The following SEMA5A variants were observed in gnomAD, a reference collection of about 807,000 sequenced individuals.
SEMA5A encodes the protein semaphorin 5A, also known as semaphorin-5A.
Under a neutral mutation model 135.5 loss-of-function variants are expected in SEMA5A, and 55 were observed. The ratio of observed to expected loss-of-function variants is 0.41; its 90% confidence interval spans 0.33 to 0.51. The LOEUF (loss-of-function observed/expected upper bound fraction) is 0.51. Among genes scored for constraint, SEMA5A ranks in the 20% least tolerant of loss-of-function variants. The pLI, the probability that SEMA5A is intolerant of heterozygous loss-of-function variation, is 0.37. For missense variants in SEMA5A, 1,290 were observed against 1,419.9 expected (o/e 0.91, Z 1.47); for synonymous variants, 580 against 546.5 (o/e 1.06, Z -0.85).
At chr5:9,130,012 T>C (rs956875945) in intron 13 of SEMA5A, among the ~76,000 whole-genome samples, 6 of 152,182 alleles carry the variant, frequency 3.9e-5, no homozygotes, top group African/African-American at 1.4e-4. Context: ...GAAATTAGCT[T>C]CAAGTAATTT....
chr5:9,465,463 T>C (rs1759222763), intron 1 of SEMA5A, among the ~76,000 whole-genome samples: 1 of 152,202 alleles, frequency 6.6e-6, no homozygotes, highest in Non-Finnish European at 1.5e-5. Context: ...TGGTTCCATA[T>C]CTGTGGATTC....
intron 16 of SEMA5A, among the ~76,000 whole-genome samples, chr5:9,067,619 C>G (rs1737548375): frequency 6.6e-6 from 1 of 152,082 alleles, no homozygotes. Context: ...CTCTATCATT[C>G]CTCCACCTCT....
In SEMA5A at chr5:9,372,350, G is replaced by A. The variant is rs111304503; in HGVS notation, c.124+7473C>T. Among the ~76,000 whole-genome samples the A allele has an allele frequency of 3.0e-3, 451 of 151,240 alleles. 2 individuals are homozygous for A. The highest frequency in any genetic ancestry group is 0.01 in the African/African-American group (424 of 41,164). On this transcript the variant is annotated intron_variant, in intron 3 of 22. Coordinates refer to ENST00000382496, the MANE Select transcript of SEMA5A (RefSeq NM_003966.3). ...AGACACGCATGGAGCCATGGGACAC[G>A]CATGGAACTGTGGGACACGCGTGGA...
intron 16 of SEMA5A, among the ~76,000 whole-genome samples, chr5:9,076,669 T>C (rs1456070420): frequency 3.9e-5 from 6 of 152,222 alleles, no homozygotes; most frequent in Non-Finnish European, 1.5e-5. Context: ...TACATTCCTG[T>C]ATATAGTAAA....
At chr5:9,059,373 T>C (rs186209074) in intron 18 of SEMA5A, among the ~76,000 whole-genome samples, 25 of 152,314 alleles carry the variant, frequency 1.6e-4, no homozygotes, top group African/African-American at 5.1e-4. Context: ...TTCTCAATGC[T>C]GGCGTAAATT....
intron 5 of SEMA5A, among the ~76,000 whole-genome samples, chr5:9,287,347 A>G (rs1366585367): frequency 6.6e-6 from 1 of 152,208 alleles, no homozygotes; most frequent in Non-Finnish European, 1.5e-5. Context: ...TACAATAGAT[A>G]TTATTCAGTT....
intron 2 of SEMA5A, among the ~76,000 whole-genome samples, chr5:9,417,817 G>A (rs1175589161): frequency 6.6e-6 from 1 of 152,142 alleles, no homozygotes; most frequent in Non-Finnish European, 1.5e-5. Flanking sequence ...TTGAACAAGA[G>A]AAATGTATTT....
At chr5:9,074,168 A>G (rs1438106355) in intron 16 of SEMA5A, among the ~76,000 whole-genome samples, 1 of 152,198 alleles carries the variant, frequency 6.6e-6, no homozygotes, top group African/African-American at 2.4e-5. Context: ...AAAGAACAGA[A>G]TGGAAAGTCT....
intron 5 of SEMA5A, among the ~76,000 whole-genome samples, chr5:9,307,357 T>A (rs1463492047): frequency 6.6e-6 from 1 of 152,146 alleles, no homozygotes; most frequent in Non-Finnish European, 1.5e-5. Context: ...TGCAGCCCTA[T>A]CCACAATGAC....
intron 1 of SEMA5A, among the ~76,000 whole-genome samples, chr5:9,451,895 G>T (rs1242624086): frequency 6.6e-6 from 1 of 152,174 alleles, no homozygotes; most frequent in Non-Finnish European, 1.5e-5. Flanking sequence ...ACCCAGCATG[G>T]AGGAAACAAC....
chr5:9,120,738 G>A (rs1740768938), intron 14 of SEMA5A, among the ~76,000 whole-genome samples: 1 of 151,716 alleles, frequency 6.6e-6, no homozygotes, highest in South Asian at 2.1e-4. Flanking sequence ...TTTCAAATTT[G>A]TTTGGAAACT....
At chr5:9,313,372 C>T (rs996093196) in intron 5 of SEMA5A, among the ~76,000 whole-genome samples, 2 of 152,060 alleles carry the variant, frequency 1.3e-5, no homozygotes, top group African/African-American at 4.8e-5. Context: ...GAAAGCATTT[C>T]TTATAACTCT....
intron 5 of SEMA5A, among the ~76,000 whole-genome samples, chr5:9,300,404 C>T (rs1209032728): frequency 1.3e-5 from 2 of 152,186 alleles, no homozygotes; most frequent in Non-Finnish European, 2.9e-5. Flanking sequence ...ATCTGACCTA[C>T]ATTTCCATAG....
intron 3 of SEMA5A, among the ~76,000 whole-genome samples, chr5:9,374,490 A>G (rs943491091): frequency 2.0e-5 from 3 of 152,086 alleles, no homozygotes; most frequent in Non-Finnish European, 4.4e-5. Flanking sequence ...TCAGTGTTTC[A>G]TCCTACTTTC....
At chr5:9,158,306 C>T (rs1285826076) in intron 11 of SEMA5A, among the ~76,000 whole-genome samples, 1 of 152,042 alleles carries the variant, frequency 6.6e-6, no homozygotes, top group Non-Finnish European at 1.5e-5. Context: ...CCCAAGATGT[C>T]ATAAACTAAA....
At chr5:9,068,779 G>A (rs1737614811) in intron 16 of SEMA5A, among the ~76,000 whole-genome samples, 1 of 152,172 alleles carries the variant, frequency 6.6e-6, no homozygotes, top group Admixed American at 6.5e-5. Context: ...TATGTGCTGG[G>A]GGTCCCCAAG....
Position 9,401,345 on chromosome 5 carries a change from T to C in SEMA5A, c.-77-21322A>G, listed in dbSNP as rs1756652964. Among the ~76,000 whole-genome samples, 3 of 152,316 alleles carry C rather than the reference T, an allele frequency of 2.0e-5. No individual in the cohort carries two copies. In the South Asian group the frequency reaches 6.2e-4, roughly 32 times the overall value. ...GTTTCAGTGAAGACAAAGGGTCTAG[T>C]GCCATATGTCAGCCAAAGACAATGT... On this transcript the variant is annotated intron_variant, in intron 2 of 22. Coordinates refer to ENST00000382496, the MANE Select transcript of SEMA5A (RefSeq NM_003966.3).
intron 1 of SEMA5A, among the ~76,000 whole-genome samples, chr5:9,527,311 G>A (rs949658032): frequency 6.6e-6 from 1 of 152,140 alleles, no homozygotes; most frequent in Non-Finnish European, 1.5e-5. Context: ...AGACTTCAAT[G>A]CAGTCCAGAG....
At chr5:9,298,644 G>T (rs1422034077) in intron 5 of SEMA5A, among the ~76,000 whole-genome samples, 4 of 152,088 alleles carry the variant, frequency 2.6e-5, no homozygotes, top group Non-Finnish European at 5.9e-5. Context: ...TGTACTGATT[G>T]GTTCAATTGT....
Sources: gnomAD v4.1 joint callset for allele counts (sites outside exome capture counted in the v4.1 genomes callset) on GRCh38, gnomAD v4.1.1 for gene constraint, MANE v1.5 for transcripts, NCBI Gene and HGNC (gene_info 2026-07-23, HGNC 2026-07-21) for gene names.